Variants in GRIK1 observed in about 807,000 individuals in gnomAD.
The protein encoded by GRIK1 is glutamate receptor ionotropic, kainate 1.
GRIK1 carries 69 observed loss-of-function variants against 105.7 expected under a neutral mutation model. The ratio of observed to expected loss-of-function variants is 0.65; its 90% CI spans 0.54 to 0.80. The LOEUF (loss-of-function observed/expected upper bound fraction) is 0.80. Among genes scored for constraint, GRIK1 ranks in the 30% least tolerant of loss-of-function variants. The probability of loss-of-function intolerance (pLI) is 0.00; values close to 1 mark genes in which losing one functional copy is unlikely to be tolerated. For synonymous variants in GRIK1, 438 were observed against 431.3 expected (o/e 1.02, Z -0.19); for missense variants, 1,109 against 1,167.3 (o/e 0.95, Z 0.73).
intron 1 of GRIK1, among the ~76,000 whole-genome samples, chr21:29,751,995 G>A (rs1164818475): frequency 6.6e-6 from 1 of 152,176 alleles, no homozygotes. Flanking sequence ...AGCATATGTT[G>A]TCTCAGTATA....
chr21:29,583,520 A>G (rs1208542286), intron 12 of GRIK1, among the ~76,000 whole-genome samples: 3 of 152,176 alleles, frequency 2.0e-5, no homozygotes, highest in Admixed American at 1.3e-4. Flanking sequence ...TTTCTCTCCC[A>G]GATATGCTCC....
chr21:29,766,010 C>G (rs983682019), intron 1 of GRIK1, among the ~76,000 whole-genome samples: 3 of 151,960 alleles, frequency 2.0e-5, no homozygotes, highest in Admixed American at 2.0e-4. Context: ...CGCCACCACG[C>G]CCGGCTAATT....
chr21:29,586,888 C>A (rs1350712098), intron 12 of GRIK1, among the ~76,000 whole-genome samples: 1 of 152,118 alleles, frequency 6.6e-6, no homozygotes, highest in Admixed American at 6.6e-5. Context: ...TTTAATAGAA[C>A]TTTTAAAGTA....
At chr21:29,831,311 C>T (rs2067630209) in intron 1 of GRIK1, among the ~76,000 whole-genome samples, 1 of 152,176 alleles carries the variant, frequency 6.6e-6, no homozygotes, top group South Asian at 2.1e-4. Flanking sequence ...CATTGGCTTC[C>T]TTCAGTTCCC....
At chr21:29,721,457 G>A (rs913330138) in intron 1 of GRIK1, among the ~76,000 whole-genome samples, 2 of 151,956 alleles carry the variant, frequency 1.3e-5, no homozygotes, top group African/African-American at 4.8e-5. Context: ...CTATAGCGGG[G>A]AGATCTGTAA....
chr21:29,729,665 G>A (rs2064561731), intron 1 of GRIK1, among the ~76,000 whole-genome samples: 1 of 152,124 alleles, frequency 6.6e-6, no homozygotes, highest in African/African-American at 2.4e-5. Context: ...TCTAGTGAGT[G>A]TCCTGAAACT....
chr21:29,881,899 T>C (rs188469047), intron 1 of GRIK1, among the ~76,000 whole-genome samples: 22 of 152,258 alleles, frequency 1.4e-4, no homozygotes, highest in Non-Finnish European at 2.9e-4. Flanking sequence ...AATTGACACA[T>C]TTCCATTTTC....
chr21:29,692,895 G>C (rs1330358124), intron 2 of GRIK1, among the ~76,000 whole-genome samples: 3 of 152,104 alleles, frequency 2.0e-5, no homozygotes, highest in African/African-American at 7.2e-5. Flanking sequence ...TTTTATCTGT[G>C]CTCCTAAGAA....
At chr21:29,632,824 C>A (rs373814518) in intron 7 of GRIK1, among the ~76,000 whole-genome samples, 2 of 152,126 alleles carry the variant, frequency 1.3e-5, no homozygotes, top group African/African-American at 4.8e-5. Flanking sequence ...TTGGCAGAAA[C>A]CTTCATCTGA....
intron 3 of GRIK1, among the ~76,000 whole-genome samples, chr21:29,684,673 A>G (rs911735688): frequency 6.6e-6 from 1 of 151,992 alleles, no homozygotes; most frequent in African/African-American, 2.4e-5. Flanking sequence ...ACGCCAGGCT[A>G]ATTTTTTTTT....
chr21:29,863,317 C>T (rs1366526213), intron 1 of GRIK1, among the ~76,000 whole-genome samples: 3 of 152,154 alleles, frequency 2.0e-5, no homozygotes, highest in African/African-American at 7.2e-5. Flanking sequence ...GTGTCAACAG[C>T]ACCCCAAAAC....
intron 1 of GRIK1, among the ~76,000 whole-genome samples, chr21:29,728,995 G>A (rs2064541809): frequency 6.6e-6 from 1 of 152,286 alleles, no homozygotes; most frequent in East Asian, 1.9e-4. Context: ...TGAATGCATT[G>A]AATGTGTGGC....
chr21:29,812,451 T>A (rs915536795), intron 1 of GRIK1, among the ~76,000 whole-genome samples: 1 of 152,160 alleles, frequency 6.6e-6, no homozygotes, highest in African/African-American at 2.4e-5. Flanking sequence ...TGTTCTTTTT[T>A]TAAAAACCTT....
intron 1 of GRIK1, among the ~76,000 whole-genome samples, chr21:29,896,555 A>G (rs2070169562): frequency 6.6e-6 from 1 of 152,218 alleles, no homozygotes; most frequent in African/African-American, 2.4e-5. Flanking sequence ...TGAATTTTAT[A>G]TATACATTGC....
Position 29,606,704 on chromosome 21 carries a change from C to CA in GRIK1, c.1099-7768dup, listed in dbSNP as rs1230965576. Among the ~76,000 whole-genome samples the CA allele has an allele frequency of 5.9e-5, 9 of 151,530 alleles. No individual in the cohort carries two copies. In the East Asian group the frequency reaches 7.8e-4, roughly 13 times the overall value. On this transcript the variant is annotated intron_variant, in intron 7 of 17. Transcript: ENST00000327783. ...ACAAAACAAAACAAAACAAAAAAAA[C>CA]AAAAAAACCCAAAACACAACACTCC...
intron 1 of GRIK1, among the ~76,000 whole-genome samples, chr21:29,727,585 C>T (rs994510696): frequency 5.9e-5 from 9 of 152,080 alleles, no homozygotes; most frequent in Non-Finnish European, 7.4e-5. Flanking sequence ...GGTTTATAAA[C>T]GGGAGCAGGC....
intron 1 of GRIK1, among the ~76,000 whole-genome samples, chr21:29,741,528 C>A (rs2064928831): frequency 6.6e-6 from 1 of 152,080 alleles, no homozygotes; most frequent in African/African-American, 2.4e-5. Context: ...AGAAAACAGA[C>A]TTTCCTATTT....
chr21:29,826,500 C>T (rs1763737878), intron 1 of GRIK1, among the ~76,000 whole-genome samples: 2 of 152,026 alleles, frequency 1.3e-5, no homozygotes, highest in South Asian at 2.1e-4. Context: ...AAAGACTGAC[C>T]CCCTTGAGCA....
chr21:29,768,961 T>C (rs951924542), intron 1 of GRIK1, among the ~76,000 whole-genome samples: 4 of 152,234 alleles, frequency 2.6e-5, no homozygotes, highest in Admixed American at 2.6e-4. Flanking sequence ...GAGAAAATGC[T>C]TTTAAAGCAT....
Sources: allele counts gnomAD v4.1 joint callset (sites outside exome capture counted in the v4.1 genomes callset), GRCh38; gene constraint gnomAD v4.1.1; transcripts MANE v1.5; gene names NCBI Gene and HGNC (gene_info 2026-07-23, HGNC 2026-07-21).